UPP2: variants seen among roughly 807,000 people sequenced by gnomAD.
UPP2 encodes the protein uridine phosphorylase 2.
UPP2 carries 23 observed loss-of-function variants against 26.7 expected under a neutral mutation model. The observed-to-expected ratio is 0.86, with a 90% CI of 0.62 to 1.22. The LOEUF is 1.22. Ranked by LOEUF, UPP2 falls within the 50% of genes most tolerant of loss-of-function variation. The pLI, the probability that UPP2 is intolerant of heterozygous loss-of-function variation, is 0.00. For missense variants in UPP2, 387 were observed against 396.7 expected, an observed-to-expected ratio of 0.98 and a Z score of 0.21; for synonymous variants, 127 against 141.3, an observed-to-expected ratio of 0.90 and a Z score of 0.72.
chr2:158,130,102 T>C (rs1683781405), intron 6 of UPP2, among the ~76,000 whole-genome samples: 1 of 151,964 alleles, frequency 6.6e-6, no homozygotes, highest in Non-Finnish European at 1.5e-5. Flanking sequence ...AAGTTCTCAG[T>C]ATTAAAGAGG....
intron 3 of UPP2, among the ~76,000 whole-genome samples, chr2:158,058,301 AAAAAAAAAAAAAAAAAAAAAAAAGAAG>A (rs1357696730): frequency 1.7e-4 from 24 of 142,466 alleles, no homozygotes; most frequent in South Asian, 2.2e-4. Flanking sequence ...TCAAAAAAAA[AAAAAAAAAAAAAAAAAAAAAAAAGAAG>A]AAGAAGAAGA....
At chr2:158,015,222 TA>T (rs1201043620) in intron 2 of UPP2, among the ~76,000 whole-genome samples, 1 of 152,142 alleles carries the variant, frequency 6.6e-6, no homozygotes, top group Non-Finnish European at 1.5e-5. Context: ...CTATACCCAT[TA>T]AACAACAACT....
intron 3 of UPP2, 95 bp from the exon 4 acceptor site, chr2:158,117,728 AT>A: frequency 5.4e-6 from 5 of 918,758 alleles, no homozygotes; most frequent in Non-Finnish European, 7.0e-6. Flanking sequence ...ATGTAAATGT[AT>A]CTGAGGCCTG....
intron 3 of UPP2, among the ~76,000 whole-genome samples, chr2:158,024,026 A>G (rs928804768): frequency 1.3e-5 from 2 of 152,192 alleles, no homozygotes; most frequent in African/African-American, 4.8e-5. Flanking sequence ...CATTGTTAGA[A>G]CTTGAATGTG....
At chr2:158,035,714 G>A (rs1209098423) in intron 3 of UPP2, among the ~76,000 whole-genome samples, 1 of 152,160 alleles carries the variant, frequency 6.6e-6, no homozygotes, top group Non-Finnish European at 1.5e-5. Flanking sequence ...ATACATTGAT[G>A]ACATTAGATC....
chr2:158,071,268 G>C (rs1440818039), intron 3 of UPP2, among the ~76,000 whole-genome samples: 3 of 152,086 alleles, frequency 2.0e-5, no homozygotes, highest in African/African-American at 7.2e-5. Context: ...CAACAAAAGT[G>C]ACTCCTTCCA....
At chr2:158,023,230 T>TGGCG (rs1553463651) in intron 3 of UPP2, among the ~76,000 whole-genome samples, 8 of 83,754 alleles carry the variant, frequency 9.6e-5, no homozygotes, top group Non-Finnish European at 1.5e-4. Flanking sequence ...TGCTGTCAGT[T>TGGCG]GGGGGGGGGC....
intron 3 of UPP2, among the ~76,000 whole-genome samples, chr2:158,028,181 C>G (rs1309365384): frequency 6.6e-6 from 1 of 152,168 alleles, no homozygotes; most frequent in Admixed American, 6.5e-5. Context: ...CTTTTTCTAT[C>G]ACATTGTCAG....
At chr2:158,056,785 A>C (rs942117175) in intron 3 of UPP2, among the ~76,000 whole-genome samples, 2 of 152,230 alleles carry the variant, frequency 1.3e-5, no homozygotes, top group Admixed American at 6.5e-5. Flanking sequence ...GTTACACTGC[A>C]ATGACCTTAT....
chr2:158,007,320 A>G (rs2105138000), intron 2 of UPP2, among the ~76,000 whole-genome samples: 1 of 152,300 alleles, frequency 6.6e-6, no homozygotes, highest in Middle Eastern at 3.4e-3. Context: ...GTCAGAAGTC[A>G]GGTTTTCGTG....
At chr2:158,013,444 C>A (rs1372388279) in intron 2 of UPP2, among the ~76,000 whole-genome samples, 1 of 152,232 alleles carries the variant, frequency 6.6e-6, no homozygotes, top group South Asian at 2.1e-4. Flanking sequence ...GTTGGCCTGG[C>A]TGCCAAGGCC....
chr2:158,037,498 G>T (rs1684022178), intron 3 of UPP2, among the ~76,000 whole-genome samples: 1 of 152,132 alleles, frequency 6.6e-6, no homozygotes, highest in South Asian at 2.1e-4. Context: ...TTGTTCTAAA[G>T]CCTAGAAGTC....
intron 3 of UPP2, among the ~76,000 whole-genome samples, chr2:158,117,412 A>C (rs1683462395): frequency 6.6e-6 from 1 of 152,026 alleles, no homozygotes; most frequent in Non-Finnish European, 1.5e-5. Context: ...ATGGTTGAAA[A>C]AGACTGATGA....
At chr2:158,129,760 T>A (rs1422000537) in intron 6 of UPP2, among the ~76,000 whole-genome samples, 1 of 144,616 alleles carries the variant, frequency 6.9e-6, no homozygotes, top group Admixed American at 6.8e-5. Flanking sequence ...GATAGGAAGG[T>A]TTTTTTTTGT....
At chr2:158,020,399 T>C (rs1683730832) in intron 3 of UPP2, among the ~76,000 whole-genome samples, 1 of 152,212 alleles carries the variant, frequency 6.6e-6, no homozygotes, top group African/African-American at 2.4e-5. Context: ...GCAGGACAAG[T>C]GCGGACATGA....
chr2:158,050,377 T>C (rs1303153500), intron 3 of UPP2, among the ~76,000 whole-genome samples: 1 of 150,758 alleles, frequency 6.6e-6, no homozygotes, highest in Non-Finnish European at 1.5e-5. Flanking sequence ...TGTATTTACA[T>C]GGATTATTTA....
At chr2:158,118,283 C>T (rs538563481) in intron 4 of UPP2, among the ~76,000 whole-genome samples, 2 of 148,312 alleles carry the variant, frequency 1.3e-5, no homozygotes, top group South Asian at 2.1e-4. Context: ...TAAGTGTGTT[C>T]AAGTAAAAAA....
At chr2:158,079,792 G>C (rs768535517) in intron 3 of UPP2, among the ~76,000 whole-genome samples, 1 of 152,146 alleles carries the variant, frequency 6.6e-6, no homozygotes, top group Non-Finnish European at 1.5e-5. Context: ...AATTGAGAGA[G>C]AGGTAAGTTC....
rs77737485 is a variant in UPP2, at chr2:158,079,586, C to T, written c.148-22454C>T. Among the ~76,000 whole-genome samples the T allele has an allele frequency of 9.2e-3, 1,405 of 152,200 alleles. 21 individuals carry two copies. The highest frequency in any genetic ancestry group is 0.031 in the African/African-American group (1,279 of 41,536). On this transcript the variant is annotated intron_variant, in intron 3 of 9. Transcript: ENST00000605860. Reference sequence around the variant, plus strand: ...AGCCAAATTTAGAAAAATTAAAAGGCGATTAAATCATACTAAACCCATTCC... The same window carrying T: ...AGCCAAATTTAGAAAAATTAAAAGGTGATTAAATCATACTAAACCCATTCC...
Sources: gnomAD v4.1 joint callset for allele counts (sites outside exome capture counted in the v4.1 genomes callset) on GRCh38, gnomAD v4.1.1 for gene constraint, MANE v1.5 for transcripts, NCBI Gene and HGNC (gene_info 2026-07-23, HGNC 2026-07-21) for gene names.